The following C1R variants were observed in gnomAD, a reference collection of about 807,000 sequenced individuals.
The protein encoded by C1R is complement C1r.
In C1R, 15 loss-of-function variants were observed where a neutral mutation model predicts 27.6. The ratio of observed to expected loss-of-function variants is 0.54; its 90% CI spans 0.36 to 0.84. The LOEUF (loss-of-function observed/expected upper bound fraction) is 0.84, where lower values mean the gene tolerates loss of function less well. Among genes scored for constraint, C1R ranks in the 40% least tolerant of loss-of-function variants. The pLI, the probability that C1R is intolerant of heterozygous loss-of-function variation, is 0.01. For synonymous variants in C1R, 253 were observed against 228.8 expected, an observed-to-expected ratio of 1.11 and a Z score of -0.95; for missense variants, 544 against 577.9, an observed-to-expected ratio of 0.94 and a Z score of 0.60.
In C1R at chr12:7,088,593, C is replaced by T. The variant is rs1487868801; in HGVS notation, c.1038+17G>A. On this transcript the variant is annotated intron_variant, in intron 7 of 10. Coordinates refer to ENST00000647956, the MANE Select transcript of C1R (RefSeq NM_001733.7). ...GGGTGCTGGGCCGGCTCTCTCCCCT[C>T]AGCCCTGGGCTCTTACCTCTATGAG... The T allele has an allele frequency of 1.4e-6, 1 of 719,638 alleles. No homozygotes were observed. Among genetic ancestry groups the T allele is most frequent in the Non-Finnish European group, 2.6e-6 (1 of 385,554 alleles). 44.6% of individuals were successfully genotyped at this position (719,638 alleles called of 1,614,324 possible).
In C1R at chr12:7,091,490, G is replaced by C. The variant is rs1354926017; in HGVS notation, c.193C>G (p.Leu65Val). ...RVKLVFQQFD[L>V]EPSEGCFYDY... ...TAGAAGCAGCCTTCAGAAGGCTCCAGGTCAAACTGCTGGAAGACGAGCTTC... is the reference window on the plus strand; with the variant it reads ...TAGAAGCAGCCTTCAGAAGGCTCCACGTCAAACTGCTGGAAGACGAGCTTC... Residue 65 changes from leucine (L) to valine (V), a missense_variant, in exon 2 of 11, where the codon CTG becomes GTG. Leu to Val is a conservative substitution (Grantham distance 32). Around this residue, in one of 2 missense-constraint regions of C1R, gnomAD observed 291 missense variants for 209.0 expected, o/e 1.39. Transcript: ENST00000647956. This position sits in a 1 kb window ranked among gnomAD's most constrained non-coding sequence, Gnocchi z 5.1. 1.3e-6 allele frequency: 1 copy of C among 776,764 alleles called. No homozygotes were observed. The highest frequency in any genetic ancestry group is 2.4e-6 in the Non-Finnish European group (1 of 416,170). The allele number at this position is 776,764 out of a possible 1,614,324, so 48.1% of individuals were successfully genotyped here.
chr12:7,090,141 C>G lies in C1R; in HGVS notation c.339G>C (p.Leu113=). Reference sequence around the variant, plus strand: ...TGGAGAAGTCTGTGTGGAAGGTCAGCAGCATCTTGTTCCCTTGGGACATAA... The same window carrying G: ...TGGAGAAGTCTGTGTGGAAGGTCAGGAGCATCTTGTTCCCTTGGGACATAA... ...KEFMSQGNKM[L]LTFHTDFSNE... is the part of the protein sequence containing the mutation. The change falls in exon 3 of 11, where the codon CTG becomes CTC. Residue 113 remains leucine (L), a synonymous_variant. Transcript: ENST00000647956. 1 of 775,780 alleles carries G rather than the reference C, an allele frequency of 1.3e-6. No homozygotes were observed. The allele number at this position is 775,780 out of a possible 1,614,324, so 48.1% of individuals were successfully genotyped here.
chr12:7,090,231 T>G lies in C1R; in HGVS notation c.249A>C (p.Lys83Asn). ...GTTGCCCACAGAACCTCCCCAGGCT[T>G]TTCTTATCAGCAGAGATCTGGTGGA... The part of the protein sequence containing the change: ...YDYVKISADK[K>N]SLGRFCGQLG... The change falls in exon 3 of 11, where the codon AAA becomes AAC. Residue 83 changes from lysine to asparagine, a missense_variant. Lys to Asn is a moderately conservative substitution (Grantham distance 94). Around this residue, in one of 2 missense-constraint regions of C1R, gnomAD observed 291 missense variants for 209.0 expected, o/e 1.39. Coordinates refer to ENST00000647956, the MANE Select transcript of C1R (RefSeq NM_001733.7). 1 of 735,764 alleles carries G rather than the reference T, an allele frequency of 1.4e-6. No homozygotes were observed. 45.6% of individuals were successfully genotyped at this position (735,764 alleles called of 1,614,324 possible). A position where few individuals can be genotyped will look rare whatever the true frequency, so the allele number is the denominator to read the frequency against.
rs1356187339 is a variant in C1R, at chr12:7,089,741, G to A, written c.425-8C>T. 2.6e-6 allele frequency: 2 copies of A among 780,222 alleles called. No individual in the cohort carries two copies. Among genetic ancestry groups the A allele is most frequent in the Non-Finnish European group, 4.8e-6 (2 of 417,796 alleles). The allele number at this position is 780,222 out of a possible 1,614,324, so 48.3% of individuals were successfully genotyped here. On this transcript the variant is annotated splice_region_variant and splice_polypyrimidine_tract_variant and intron_variant, in intron 3 of 10. Coordinates refer to ENST00000647956, the MANE Select transcript of C1R (RefSeq NM_001733.7). ...AAGCACATTCATCAAGGTCTGGAAG[G>A]CATTCAGGAAGGAGGGTTAAGCTTC...
rs1565628268 is a variant in C1R at position 7,080,756 on chromosome 12, C to T, written c.1894G>A (p.Val632Met). ...GCACAGAACATGTTTTGAGAGAACA[C>T]ATCCATCCTATTCTTTCCCCGGAGC... The part of the protein sequence containing the change: ...NWLRGKNRMD[V>M]FSQNMFCAGH... The change falls in exon 11 of 11, where the codon GTG becomes ATG. Residue 632 changes from valine (V) to methionine (M), a missense_variant. Transcript: ENST00000647956. The surrounding 1 kb of genome is among the most constrained non-coding windows in gnomAD (Gnocchi z 4.9). The T allele has an allele frequency of 6.2e-7, 1 of 1,614,020 alleles. No homozygotes were observed. The highest frequency in any genetic ancestry group is 8.5e-7 in the Non-Finnish European group (1 of 1,179,892).
chr12:7,087,130 T>G lies in C1R; in HGVS notation c.1039-673A>C, dbSNP rs1311058493. On this transcript the variant is annotated intron_variant, in intron 7 of 10. Transcript: ENST00000647956. ...CGGTAACCCCAGCACTTTGGGGGGC[T>G]GAGGTGGGCGGATCACTTGAGGCCA... 6.6e-5 allele frequency: 10 copies of G among 152,406 alleles called. No homozygotes were observed. In the East Asian group the frequency reaches 1.9e-3, roughly 29 times the overall value. The allele number at this position is 152,406 out of a possible 1,614,324, so 9.4% of individuals were successfully genotyped here. A position where few individuals can be genotyped will look rare whatever the true frequency, so the allele number is the denominator to read the frequency against.
rs367700816 is a variant in C1R, at chr12:7,089,415, G to C, written c.646C>G (p.Pro216Ala). Residue 216 changes from proline to alanine, a missense_variant, in exon 5 of 11, where the codon CCT (proline) becomes GCT (alanine). By Grantham distance (27) the Pro-to-Ala change is conservative. Transcript: ENST00000647956. ...SSLEYPRSYP[P>A]DLRCNYSIRV... Reference sequence around the variant, plus strand: ...ATGCTGTAGTTGCAGCGCAGGTCAGGGGGGTAGGACCGAGGGTACTCCAGG... The same window carrying C: ...ATGCTGTAGTTGCAGCGCAGGTCAGCGGGGTAGGACCGAGGGTACTCCAGG... 9 of 780,448 alleles carry C rather than the reference G, an allele frequency of 1.2e-5. No individual in the cohort carries two copies. Among genetic ancestry groups the C allele is most frequent in the African/African-American group, 3.4e-5 (2 of 59,144 alleles). The allele number at this position is 780,448 out of a possible 1,614,324, so 48.3% of individuals were successfully genotyped here.
Position 7,088,829 on chromosome 12 carries a change from G to T in C1R, c.916+10C>A. 1 of 772,278 alleles carries T rather than the reference G, an allele frequency of 1.3e-6. No homozygotes were observed. The highest frequency in any genetic ancestry group is 1.4e-5 in the South Asian group (1 of 73,516). The allele number at this position is 772,278 out of a possible 1,614,324, so 47.8% of individuals were successfully genotyped here. ...GCTGGCCATCGAGGGAGGCCTGCAG[G>T]GAGCCTTACTCTCGGTGGTGTAGCG... On this transcript the variant is annotated intron_variant, in intron 6 of 10. Coordinates refer to ENST00000647956, the MANE Select transcript of C1R (RefSeq NM_001733.7).
chr12:7,090,755 C>T (rs1309876320), intron 2 of C1R, among the ~76,000 whole-genome samples: 1 of 152,218 alleles, frequency 6.6e-6, no homozygotes, highest in East Asian at 1.9e-4. Context: ...TGCCTCGTCC[C>T]TCTTCCTTCC....
In C1R at chr12:7,080,886, GC is replaced by G; in HGVS notation, c.1763del (p.Gly588AlafsTer2). The G allele has an allele frequency of 6.2e-7, 1 of 1,613,922 alleles. No individual in the cohort carries two copies. Among genetic ancestry groups the G allele is most frequent in the Non-Finnish European group, 8.5e-7 (1 of 1,179,828 alleles). ...LPDNDTFYDLGLMGYVSGFGV... is the reference protein window; with the variant it reads ...LPDNDTFYDLXLMGYVSGFGV... ...CGAAGCCACTGACATAGCCCATCAA[GC>G]CCAGGTCGTAGAAGGTATCGTTGTC... On this transcript the variant is annotated frameshift_variant, in exon 11 of 11. Coordinates refer to ENST00000647956, the MANE Select transcript of C1R (RefSeq NM_001733.7). LOFTEE classifies it low-confidence loss of function (END_TRUNC). The surrounding 1 kb of genome is among the most constrained non-coding windows in gnomAD (Gnocchi z 4.9).
Position 7,088,921 on chromosome 12 carries a change from G to T in C1R, c.834C>A (p.Thr278=), listed in dbSNP as rs771967579. The T allele has an allele frequency of 2.6e-6, 2 of 768,332 alleles. No individual in the cohort carries two copies. Among genetic ancestry groups the T allele is most frequent in the African/African-American group, 3.4e-5 (2 of 58,806 alleles). 47.6% of individuals were successfully genotyped at this position (768,332 alleles called of 1,614,324 possible). Residue 278 remains threonine, a synonymous_variant, in exon 6 of 11, where the codon ACC becomes ACA. Coordinates refer to ENST00000647956, the MANE Select transcript of C1R (RefSeq NM_001733.7). ...CGKQRPPDLD[T]SSNAVDLLFF... The stretch of plus-strand genomic sequence containing the variant: ...ACAGCAGATCCACAGCATTGCTGCT[G>T]GTGTCGAGGTCGGGGGGCCTTTGCT...
chr12:7,089,074 T>G, intron 5 of C1R, 88 bp from the exon 6 acceptor site: 1 of 639,562 alleles, frequency 1.6e-6, no homozygotes, highest in South Asian at 1.8e-5. Context: ...AGGGTGGTGG[T>G]GGTGGTGATG....
chr12:7,085,797 G>A (rs1317367665), intron 9 of C1R, 64 bp downstream of exon 9: 13 of 398,208 alleles, frequency 3.3e-5, no homozygotes, highest in African/African-American at 2.5e-4. Flanking sequence ...TCTACTGGGA[G>A]AAATCTCAGA....
intron 9 of C1R, among the ~76,000 whole-genome samples, chr12:7,082,839 T>C (rs1005248147): frequency 6.6e-6 from 1 of 152,140 alleles, no homozygotes; most frequent in African/African-American, 2.4e-5. Flanking sequence ...TTAAACACTA[T>C]AGTGACACTT....
chr12:7,091,352 T>C lies in C1R; in HGVS notation c.231+100A>G. The C allele has an allele frequency of 1.5e-6, 1 of 675,112 alleles. No homozygotes were observed. The highest frequency in any genetic ancestry group is 2.7e-6 in the Non-Finnish European group (1 of 374,096). The allele number at this position is 675,112 out of a possible 1,614,324, so 41.8% of individuals were successfully genotyped here. On this transcript the variant is annotated intron_variant, in intron 2 of 10. Transcript: ENST00000647956. This position sits in a 1 kb window ranked among gnomAD's most constrained non-coding sequence, Gnocchi z 5.1. ...AGAGAGGCCGTTGGCCATCAGCTCT[T>C]GTGGGGCTGGGCTGTGTCTGGGGGT...
At chr12:7,087,676 G>A (rs974964667) in intron 7 of C1R, 2 of 154,358 alleles carry the variant, frequency 1.3e-5, no homozygotes, top group African/African-American at 2.4e-5. Flanking sequence ...TTGGAGTAAA[G>A]AACAATGCAT....
Position 7,080,446 on chromosome 12 carries a change from T to C in C1R, c.*86A>G. 2.0e-6 allele frequency: 3 copies of C among 1,502,416 alleles called. No individual in the cohort carries two copies. In the South Asian group the frequency reaches 4.2e-5, roughly 21 times the overall value. The allele number at this position is 1,502,416 out of a possible 1,614,324, so 93.1% of individuals were successfully genotyped here. ...GCATCAGTAATTTTAATAGAGACTC[T>C]TAGTGGTTATCAACAACTGGTCAGT... On this transcript the variant is annotated 3_prime_UTR_variant, in exon 11 of 11. Coordinates refer to ENST00000647956, the MANE Select transcript of C1R (RefSeq NM_001733.7). The surrounding 1 kb of genome is among the most constrained non-coding windows in gnomAD (Gnocchi z 4.9).
intron 10 of C1R, 88 bp from the exon 11 acceptor site, chr12:7,081,389 T>A: frequency 8.0e-7 from 1 of 1,250,614 alleles, no homozygotes. Flanking sequence ...CTGTTTGCCC[T>A]CTCTTTTTGG....
chr12:7,082,838 A>T (rs1285864789), intron 9 of C1R, among the ~76,000 whole-genome samples: 1 of 152,150 alleles, frequency 6.6e-6, no homozygotes, highest in Non-Finnish European at 1.5e-5. Context: ...TTTAAACACT[A>T]TAGTGACACT....
Sources: gnomAD v4.1 joint callset for allele counts (sites outside exome capture counted in the v4.1 genomes callset) on GRCh38, gnomAD v4.1.1 for gene constraint, gnomAD v4.1.1 regional missense constraint, Gnocchi (gnomAD v3.1) non-coding constraint, MANE v1.5 for transcripts, NCBI Gene and HGNC (gene_info 2026-07-23, HGNC 2026-07-21) for gene names.